The following ABCG2 variants were observed in gnomAD, a reference collection of about 807,000 sequenced individuals.
ABCG2 encodes ATP binding cassette subfamily G member 2 (JR blood group), also known as broad substrate specificity ATP-binding cassette transporter ABCG2.
ABCG2 carries 80 observed loss-of-function variants against 73.5 expected under a neutral mutation model. That is an observed-to-expected ratio of 1.09 (90% CI 0.91 to 1.31). The LOEUF is 1.31. Ranked by LOEUF, ABCG2 falls within the 50% of genes most tolerant of loss-of-function variation. ABCG2 has a pLI of 0.00. For missense variants in ABCG2, 796 were observed against 786.2 expected (o/e 1.01, Z -0.15); for synonymous variants, 269 against 282.4 (o/e 0.95, Z 0.48).
intron 12 of ABCG2, among the ~76,000 whole-genome samples, chr4:88,099,079 GCAA>G (rs1321137968): frequency 3.3e-5 from 5 of 152,174 alleles, no homozygotes; most frequent in Non-Finnish European, 7.4e-5. Flanking sequence ...GGGTGACAGA[GCAA>G]GACCCTGTCT....
chr4:88,113,051 C>A (rs1384327841), intron 9 of ABCG2, among the ~76,000 whole-genome samples: 4 of 152,048 alleles, frequency 2.6e-5, no homozygotes, highest in Non-Finnish European at 5.9e-5. Flanking sequence ...GTCAGGGCTG[C>A]AGTGAGCTGA....
rs183829031 is a variant in ABCG2, at chr4:88,122,167, C to T, written c.532-375G>A. 1.4e-4 allele frequency among the ~76,000 whole-genome samples: 22 copies of T among 152,244 alleles called. No homozygotes were observed. The East Asian group carries it at 4.1e-3, about 28-fold the overall frequency. On this transcript the variant is annotated intron_variant, in intron 5 of 15. Coordinates refer to ENST00000237612, the MANE Select transcript of ABCG2 (RefSeq NM_004827.3). ...TACTTTTCCCATGGTATTCACAACC[C>T]GCAGACCAGGAGATTCCCGCAGGTG...
intron 1 of ABCG2, among the ~76,000 whole-genome samples, chr4:88,142,647 C>T (rs535018153): frequency 2.0e-5 from 3 of 152,146 alleles, no homozygotes; most frequent in South Asian, 2.1e-4. Flanking sequence ...AGTCGCAAAT[C>T]GAAAATATTA....
At chr4:88,122,774 A>G (rs1317241258) in intron 5 of ABCG2, among the ~76,000 whole-genome samples, 2 of 152,194 alleles carry the variant, frequency 1.3e-5, no homozygotes, top group Admixed American at 1.3e-4. Flanking sequence ...CTGGCTTTGA[A>G]GACAGCAGTG....
chr4:88,213,209 C>A (rs1272443511), intron 1 of ABCG2, among the ~76,000 whole-genome samples: 2 of 152,202 alleles, frequency 1.3e-5, no homozygotes, highest in African/African-American at 4.8e-5. Flanking sequence ...CTGTAATTAT[C>A]TGATTTTAAA....
chr4:88,213,199 C>G (rs894851579), intron 1 of ABCG2, among the ~76,000 whole-genome samples: 1 of 152,190 alleles, frequency 6.6e-6, no homozygotes, highest in Non-Finnish European at 1.5e-5. Flanking sequence ...CCACAAAGAC[C>G]TGTAATTATC....
chr4:88,204,278 G>A lies in ABCG2; in HGVS notation c.-20+26716C>T, dbSNP rs140007187. ...CTAGTAAAAATACAAAAAATTAGCC[G>A]GGCGTGGTGACAGGCGCCTGTAGTC... On this transcript the variant is annotated intron_variant, in intron 1 of 15. Transcript: ENST00000515655. 6.8e-3 allele frequency among the ~76,000 whole-genome samples: 1,038 copies of A among 152,192 alleles called. 39 individuals carry two copies. The highest frequency in any genetic ancestry group is 0.059 in the Admixed American group (908 of 15,288).
chr4:88,118,106 T>C lies in ABCG2; in HGVS notation c.841+3A>G, dbSNP rs771907414. On this transcript the variant is annotated splice_donor_region_variant and intron_variant, in intron 7 of 15. Transcript: ENST00000237612. ...TTTTACAGCATAAAAAAGTCAACCA[T>C]ACCAGCTGATTCAAAGTATCCCAAG... 1.4e-4 allele frequency: 230 copies of C among 1,612,120 alleles called. 4 individuals are homozygous for C. In the South Asian group the frequency reaches 2.4e-3, roughly 17 times the overall value.
At chr4:88,142,640 C>T (rs904227480) in intron 1 of ABCG2, among the ~76,000 whole-genome samples, 19 of 152,042 alleles carry the variant, frequency 1.2e-4, no homozygotes, top group Non-Finnish European at 1.8e-4. Flanking sequence ...TTCAACCAGT[C>T]GCAAATCGAA....
At chr4:88,102,791 C>G (rs1416106226) in intron 10 of ABCG2, among the ~76,000 whole-genome samples, 1 of 151,482 alleles carries the variant, frequency 6.6e-6, no homozygotes, top group African/African-American at 2.4e-5. Context: ...GGCGTAAAAA[C>G]AAGAGAACAT....
Position 88,097,449 on chromosome 4 carries a change from T to A in ABCG2, c.1647+4A>T, listed in dbSNP as rs1560650492. ...TTATCAGAGCAAACACAGTTCAGAC[T>A]CACCATCATAAACACAAAACAGATG... is the stretch of plus-strand genomic sequence containing the variant. On this transcript the variant is annotated splice_donor_region_variant and intron_variant, in intron 13 of 15. Transcript: ENST00000237612. The A allele has an allele frequency of 6.2e-7, 1 of 1,613,816 alleles. No homozygotes were observed.
chr4:88,192,583 C>A (rs901786893), intron 1 of ABCG2, among the ~76,000 whole-genome samples: 6 of 151,940 alleles, frequency 3.9e-5, no homozygotes, highest in African/African-American at 1.2e-4. Context: ...CCAAGCCCAG[C>A]TAATTTTTGT....
At chr4:88,143,759 G>A (rs745873566) in intron 1 of ABCG2, among the ~76,000 whole-genome samples, 3 of 151,200 alleles carry the variant, frequency 2.0e-5, no homozygotes, top group South Asian at 2.1e-4. Context: ...TATAACCAAG[G>A]CACACCATCA....
intron 2 of ABCG2, among the ~76,000 whole-genome samples, chr4:88,133,890 C>T (rs1277447809): frequency 6.6e-6 from 1 of 151,694 alleles, no homozygotes; most frequent in African/African-American, 2.4e-5. Context: ...CCCAGCTACT[C>T]GGGAGGCTGA....
In ABCG2 at chr4:88,092,301, G is replaced by C. The variant is rs763740151; in HGVS notation, c.1901C>G (p.Ala634Gly). 6 of 1,613,622 alleles carry C rather than the reference G, an allele frequency of 3.7e-6. No homozygotes were observed. The South Asian group carries it at 6.6e-5, about 18-fold the overall frequency. Residue 634 changes from alanine to glycine, a missense_variant, in exon 16 of 16, where the codon GCT becomes GGT. Coordinates refer to ENST00000237612, the MANE Select transcript of ABCG2 (RefSeq NM_004827.3). ...TGTGAGGAAAATAACAATCATACAA[G>C]CCAAGGCCACGTGATTCTTCCACAA... Reference protein sequence around the residue: ...WGLWKNHVALACMIVIFLTIA... With the variant: ...WGLWKNHVALGCMIVIFLTIA...
chr4:88,219,067 C>T (rs1729914026), intron 1 of ABCG2, among the ~76,000 whole-genome samples: 1 of 152,220 alleles, frequency 6.6e-6, no homozygotes, highest in African/African-American at 2.4e-5. Context: ...ATATTTTACA[C>T]AGAGGTGCTT....
chr4:88,152,335 G>A (rs553699554), intron 1 of ABCG2, among the ~76,000 whole-genome samples: 59 of 152,218 alleles, frequency 3.9e-4, no homozygotes, highest in Non-Finnish European at 6.2e-4. Context: ...TTTCACTCGC[G>A]TCCGTGTGAA....
chr4:88,164,201 G>A (rs1727424092), upstream of ABCG2, among the ~76,000 whole-genome samples: 1 of 151,916 alleles, frequency 6.6e-6, no homozygotes, highest in Non-Finnish European at 1.5e-5. Context: ...TGAGTAGCTG[G>A]GATTACAAGC....
intron 10 of ABCG2, among the ~76,000 whole-genome samples, chr4:88,102,355 T>C (rs886635066): frequency 8.5e-5 from 13 of 152,196 alleles, no homozygotes; most frequent in African/African-American, 3.1e-4. Context: ...CTCGGCACTA[T>C]GGGAGGCCGG....
Sources: gnomAD v4.1 joint callset for allele counts (sites outside exome capture counted in the v4.1 genomes callset) on GRCh38, gnomAD v4.1.1 for gene constraint, MANE v1.5 for transcripts, NCBI Gene and HGNC (gene_info 2026-07-23, HGNC 2026-07-21) for gene names.